The following CSMD1 variants were observed in gnomAD, a reference collection of about 807,000 sequenced individuals.
CSMD1 encodes CUB and Sushi multiple domains 1.
In CSMD1, 213 loss-of-function variants were observed where a neutral mutation model predicts 417.5. The ratio of observed to expected loss-of-function variants is 0.51; its 90% CI spans 0.46 to 0.57. The LOEUF (loss-of-function observed/expected upper bound fraction) is 0.57. Ranked by LOEUF, CSMD1 falls within the 20% of genes least tolerant of loss-of-function variation. CSMD1 has a pLI of 0.00. For missense variants in CSMD1, 6,923 were observed against 4,529.7 expected, an observed-to-expected ratio of 1.53 and a Z score of -15.17; for synonymous variants, 2,862 against 1,736.8, an observed-to-expected ratio of 1.65 and a Z score of -16.11.
intron 1 of CSMD1, among the ~76,000 whole-genome samples, chr8:4,871,881 T>C (rs1364939875): frequency 1.3e-5 from 2 of 152,106 alleles, no homozygotes; most frequent in Non-Finnish European, 2.9e-5. Context: ...GCTTGATGGA[T>C]GACACCTGTC....
At chr8:2,995,497 A>G (rs1005631597) in intron 54 of CSMD1, among the ~76,000 whole-genome samples, 15 of 152,166 alleles carry the variant, frequency 9.9e-5, no homozygotes, top group African/African-American at 3.4e-4. Flanking sequence ...AGTTTCTTAT[A>G]AGACTAAACT....
intron 2 of CSMD1, among the ~76,000 whole-genome samples, chr8:4,613,281 T>C (rs887038729): frequency 8.5e-5 from 13 of 152,196 alleles, no homozygotes; most frequent in Admixed American, 2.0e-4. Context: ...AGGCACGCCA[T>C]CCATGCTCCG....
chr8:3,907,212 CA>C (rs1224856328), intron 5 of CSMD1, among the ~76,000 whole-genome samples: 1 of 152,098 alleles, frequency 6.6e-6, no homozygotes, highest in Non-Finnish European at 1.5e-5. Flanking sequence ...TCTCATACAG[CA>C]AATAAAAATT....
intron 2 of CSMD1, among the ~76,000 whole-genome samples, chr8:4,565,398 T>A (rs1053759519): frequency 6.6e-6 from 1 of 152,092 alleles, no homozygotes; most frequent in Non-Finnish European, 1.5e-5. Context: ...AACCTCTTCA[T>A]TTTACATTGC....
chr8:2,971,398 C>T (rs986801231), intron 57 of CSMD1, among the ~76,000 whole-genome samples: 9 of 152,130 alleles, frequency 5.9e-5, no homozygotes, highest in African/African-American at 1.9e-4. Flanking sequence ...CTGAACTTGA[C>T]GTTTCTTCGT....
At chr8:3,899,510 T>C (rs913068317) in intron 5 of CSMD1, among the ~76,000 whole-genome samples, 3 of 152,196 alleles carry the variant, frequency 2.0e-5, no homozygotes, top group African/African-American at 7.2e-5. Context: ...ACCCTCATTT[T>C]GGATGCTGTC....
intron 1 of CSMD1, among the ~76,000 whole-genome samples, chr8:4,783,390 A>C (rs1294467463): frequency 6.6e-6 from 1 of 152,196 alleles, no homozygotes; most frequent in Non-Finnish European, 1.5e-5. Context: ...TGGCTGTTCC[A>C]GCTGAAACTA....
chr8:4,025,158 G>C (rs1052719044), intron 4 of CSMD1, among the ~76,000 whole-genome samples: 7 of 152,250 alleles, frequency 4.6e-5, no homozygotes, highest in African/African-American at 1.4e-4. Flanking sequence ...ATGGATGTGA[G>C]CTCCTGTGAA....
chr8:3,327,911 T>G (rs1411556290), intron 23 of CSMD1, among the ~76,000 whole-genome samples: 1 of 152,164 alleles, frequency 6.6e-6, no homozygotes, highest in African/African-American at 2.4e-5. Context: ...ATCCTTTAAT[T>G]GGGTCACCTT....
intron 1 of CSMD1, among the ~76,000 whole-genome samples, chr8:4,674,786 C>T (rs1805570543): frequency 6.6e-6 from 1 of 152,102 alleles, no homozygotes; most frequent in East Asian, 1.9e-4. Context: ...TGAATCGTGT[C>T]CCCCTCCAAA....
chr8:3,081,174 G>C (rs7005969), intron 49 of CSMD1, among the ~76,000 whole-genome samples: 1 of 152,090 alleles, frequency 6.6e-6, no homozygotes, highest in Non-Finnish European at 1.5e-5. Context: ...TGAGCTCAAC[G>C]TGCCAGGTTT....
At chr8:4,937,990 T>C (rs908108935) in intron 1 of CSMD1, among the ~76,000 whole-genome samples, 1 of 152,216 alleles carries the variant, frequency 6.6e-6, no homozygotes, top group Admixed American at 6.5e-5. Context: ...TTGGCCTTTG[T>C]GACTCATCCT....
At chr8:3,619,999 G>C (rs1200488530) in intron 7 of CSMD1, among the ~76,000 whole-genome samples, 2 of 152,164 alleles carry the variant, frequency 1.3e-5, no homozygotes, top group African/African-American at 4.8e-5. Flanking sequence ...CTACTTGGGA[G>C]GCTGAGACAG....
chr8:3,754,956 AG>A (rs1744736208), intron 5 of CSMD1, among the ~76,000 whole-genome samples: 1 of 84,772 alleles, frequency 1.2e-5, no homozygotes, highest in Non-Finnish European at 2.3e-5. Flanking sequence ...TTATGTTTTA[AG>A]AAAGCAGTGC....
chr8:4,176,632 G>A (rs976138304), intron 3 of CSMD1, among the ~76,000 whole-genome samples: 18 of 151,404 alleles, frequency 1.2e-4, no homozygotes, highest in Non-Finnish European at 2.1e-4. Context: ...GACACAGACT[G>A]GCAAATTGGA....
chr8:4,110,246 G>T (rs1436604599), intron 3 of CSMD1, among the ~76,000 whole-genome samples: 1 of 152,088 alleles, frequency 6.6e-6, no homozygotes, highest in Non-Finnish European at 1.5e-5. Flanking sequence ...AAGACTGAAA[G>T]CTTGGCAACG....
intron 5 of CSMD1, among the ~76,000 whole-genome samples, chr8:3,966,224 C>A (rs1309505991): frequency 6.6e-6 from 1 of 152,206 alleles, no homozygotes; most frequent in East Asian, 1.9e-4. Context: ...AGCTTATTGG[C>A]TAAATGATTT....
intron 3 of CSMD1, among the ~76,000 whole-genome samples, chr8:4,246,244 G>C (rs1255256351): frequency 2.0e-5 from 3 of 152,098 alleles, no homozygotes; most frequent in Non-Finnish European, 4.4e-5. Context: ...TCATCATTTA[G>C]ATCTTACTTA....
At chr8:3,492,683 C>T (rs13276495) in intron 11 of CSMD1, among the ~76,000 whole-genome samples, 7,495 of 152,194 alleles carry the variant, frequency 0.049, 202 homozygotes, top group Middle Eastern at 0.082. Flanking sequence ...AGCAGATGCC[C>T]AGGTCATAAG....
Sources: gnomAD v4.1 joint callset for allele counts (sites outside exome capture counted in the v4.1 genomes callset) on GRCh38, gnomAD v4.1.1 for gene constraint, MANE v1.5 for transcripts, NCBI Gene and HGNC (gene_info 2026-07-23, HGNC 2026-07-21) for gene names.